DNER: variants seen among roughly 807,000 people sequenced by gnomAD.
DNER encodes the protein delta and Notch-like epidermal growth factor-related receptor.
A neutral mutation model predicts 78.2 loss-of-function variants in DNER; 33 were observed. The ratio of observed to expected loss-of-function variants is 0.42; its 90% CI spans 0.32 to 0.56. DNER has a LOEUF of 0.56. Among genes scored for constraint, DNER ranks in the 20% least tolerant of loss-of-function variants. DNER has a pLI of 0.11. For missense variants in DNER, 918 were observed against 975.3 expected (o/e 0.94, Z 0.78); for synonymous variants, 417 against 384.8 (o/e 1.08, Z -0.98).
chr2:229,567,185 T>G (rs1451707421), intron 4 of DNER, among the ~76,000 whole-genome samples: 2 of 152,240 alleles, frequency 1.3e-5, no homozygotes, highest in East Asian at 3.8e-4. Flanking sequence ...TAGTAAACCC[T>G]CCTCCACAAG....
intron 1 of DNER, among the ~76,000 whole-genome samples, chr2:229,673,469 A>G (rs1453592921): frequency 1.3e-5 from 2 of 152,186 alleles, no homozygotes; most frequent in Admixed American, 6.5e-5. Flanking sequence ...TATGGCATAT[A>G]CCTTGTTCTT....
chr2:229,451,075 A>C (rs1226728723), intron 7 of DNER, among the ~76,000 whole-genome samples: 1 of 152,182 alleles, frequency 6.6e-6, no homozygotes, highest in Non-Finnish European at 1.5e-5. Flanking sequence ...TTACAAAGTC[A>C]CTGTGGGTTC....
At chr2:229,580,057 G>T (rs563788702) in intron 4 of DNER, 1 of 151,830 alleles carries the variant, frequency 6.6e-6, no homozygotes. Flanking sequence ...ATACACTACC[G>T]TAGGAACCAT....
At chr2:229,500,392 G>A (rs1036833984) in intron 6 of DNER, among the ~76,000 whole-genome samples, 3 of 152,206 alleles carry the variant, frequency 2.0e-5, no homozygotes, top group African/African-American at 7.2e-5. Flanking sequence ...AAGATAATAT[G>A]TGTTGGTGAG....
intron 1 of DNER, among the ~76,000 whole-genome samples, chr2:229,643,427 G>A (rs777007885): frequency 4.6e-5 from 7 of 152,150 alleles, no homozygotes; most frequent in South Asian, 2.1e-4. Flanking sequence ...TAGAATTAGC[G>A]CATGGATTTC....
chr2:229,368,981 T>A (rs1314530198), intron 11 of DNER, among the ~76,000 whole-genome samples: 2 of 152,208 alleles, frequency 1.3e-5, no homozygotes, highest in African/African-American at 2.4e-5. Context: ...AGAAGACATT[T>A]GTAGGATCAT....
At chr2:229,406,499 A>G (rs532205466) in intron 10 of DNER, among the ~76,000 whole-genome samples, 2 of 152,284 alleles carry the variant, frequency 1.3e-5, no homozygotes, top group East Asian at 3.9e-4. Flanking sequence ...ACGTGTCCCA[A>G]AGCCTGGGGA....
chr2:229,528,824 C>T (rs1482666999), intron 5 of DNER, among the ~76,000 whole-genome samples: 2 of 152,176 alleles, frequency 1.3e-5, no homozygotes, highest in African/African-American at 4.8e-5. Context: ...TATCTAAATT[C>T]CAACCCTTAC....
At chr2:229,422,096 G>A (rs923148096) in intron 8 of DNER, among the ~76,000 whole-genome samples, 6 of 152,100 alleles carry the variant, frequency 3.9e-5, no homozygotes, top group African/African-American at 1.4e-4. Flanking sequence ...TTCTAAAACC[G>A]TTTCTTCAGA....
At chr2:229,477,952 C>G (rs1179214975) in intron 6 of DNER, among the ~76,000 whole-genome samples, 2 of 152,100 alleles carry the variant, frequency 1.3e-5, no homozygotes, top group African/African-American at 4.8e-5. Flanking sequence ...GATTGGAACA[C>G]CTGTGCAGTC....
intron 1 of DNER, among the ~76,000 whole-genome samples, chr2:229,626,968 C>G (rs974582498): frequency 6.6e-6 from 1 of 152,232 alleles, no homozygotes; most frequent in South Asian, 2.1e-4. Flanking sequence ...TGTTATCAAT[C>G]ACGTTGGAAA....
At chr2:229,687,023 T>A (rs1699494203) in intron 1 of DNER, among the ~76,000 whole-genome samples, 2 of 152,218 alleles carry the variant, frequency 1.3e-5, no homozygotes, top group Non-Finnish European at 1.5e-5. Flanking sequence ...TTTATGCACC[T>A]TAACATAATT....
intron 1 of DNER, among the ~76,000 whole-genome samples, chr2:229,639,102 C>A (rs1484428138): frequency 6.6e-6 from 1 of 152,154 alleles, no homozygotes; most frequent in Non-Finnish European, 1.5e-5. Flanking sequence ...CAGGTGATAC[C>A]AACACACATC....
chr2:229,666,191 C>A (rs901585086), intron 1 of DNER, among the ~76,000 whole-genome samples: 1 of 152,128 alleles, frequency 6.6e-6, no homozygotes, highest in African/African-American at 2.4e-5. Context: ...TATGTCATAT[C>A]CTCTTTCCTT....
At chr2:229,378,275 C>T (rs897326746) in intron 11 of DNER, among the ~76,000 whole-genome samples, 4 of 152,142 alleles carry the variant, frequency 2.6e-5, no homozygotes, top group African/African-American at 9.7e-5. Flanking sequence ...TTTTAAGCCA[C>T]TCAATTTGTG....
chr2:229,597,253 C>G (rs1182401250), intron 1 of DNER, among the ~76,000 whole-genome samples: 1 of 152,174 alleles, frequency 6.6e-6, no homozygotes, highest in Non-Finnish European at 1.5e-5. Context: ...AGCTTTCTGC[C>G]ATTATTTTCT....
chr2:229,613,826 C>T (rs1286333364), intron 1 of DNER, among the ~76,000 whole-genome samples: 2 of 152,058 alleles, frequency 1.3e-5, no homozygotes, highest in Non-Finnish European at 2.9e-5. Context: ...GAGTATCAAG[C>T]CCCCAAATCA....
At chr2:229,675,400 G>T (rs1432773181) in intron 1 of DNER, among the ~76,000 whole-genome samples, 1 of 152,136 alleles carries the variant, frequency 6.6e-6, no homozygotes, top group Non-Finnish European at 1.5e-5. Flanking sequence ...CTGATCCTGG[G>T]CTTGCATTTA....
intron 1 of DNER, among the ~76,000 whole-genome samples, chr2:229,594,216 C>A (rs1419236066): frequency 6.6e-6 from 1 of 152,242 alleles, no homozygotes; most frequent in Non-Finnish European, 1.5e-5. Context: ...TTTCAAAGGA[C>A]ACTCCATAGA....
Sources: gnomAD v4.1 joint callset for allele counts (sites outside exome capture counted in the v4.1 genomes callset) on GRCh38, gnomAD v4.1.1 for gene constraint, MANE v1.5 for transcripts, NCBI Gene and HGNC (gene_info 2026-07-23, HGNC 2026-07-21) for gene names.